ALDH7A1: variants seen among roughly 807,000 people sequenced by gnomAD.
ALDH7A1 encodes the protein alpha-aminoadipic semialdehyde dehydrogenase.
Under a neutral mutation model 79.9 loss-of-function variants are expected in ALDH7A1, and 63 were observed. That is an observed-to-expected ratio of 0.79 (90% CI 0.64 to 0.97). The LOEUF (loss-of-function observed/expected upper bound fraction) is 0.97. ALDH7A1 is among the 50% of genes least tolerant of loss of function. ALDH7A1 has a pLI of 0.00. For synonymous variants in ALDH7A1, 240 were observed against 231.2 expected, an observed-to-expected ratio of 1.04 and a Z score of -0.34; for missense variants, 627 against 665.2, an observed-to-expected ratio of 0.94 and a Z score of 0.63.
chr5:126,587,714 T>C (rs1449917474), intron 3 of ALDH7A1: 1 of 151,334 alleles, frequency 6.6e-6, no homozygotes, highest in Admixed American at 6.6e-5. Flanking sequence ...ACAGTCAAGG[T>C]CAGCCAAATG....
At chr5:126,584,736 G>A (rs1449605913) in intron 3 of ALDH7A1, among the ~76,000 whole-genome samples, 1 of 144,890 alleles carries the variant, frequency 6.9e-6, no homozygotes, top group Non-Finnish European at 1.5e-5. Flanking sequence ...TTTGGGAGTA[G>A]AATTGACAGG....
intron 3 of ALDH7A1, among the ~76,000 whole-genome samples, chr5:126,591,759 A>C (rs1162474528): frequency 6.6e-6 from 1 of 151,944 alleles, no homozygotes; most frequent in African/African-American, 2.4e-5. Flanking sequence ...GCTCCCACCT[A>C]GTGACAAGTC....
Position 126,543,003 on chromosome 5 carries a change from G to C in ALDH7A1, c.*1962C>G, listed in dbSNP as rs1377781547. 1 of 152,280 alleles carries C rather than the reference G, an allele frequency of 6.6e-6. No individual in the cohort carries two copies. The highest frequency in any genetic ancestry group is 1.5e-5 in the Non-Finnish European group (1 of 68,054). 9.4% of individuals were successfully genotyped at this position (152,280 alleles called of 1,614,324 possible). On this transcript the variant is annotated 3_prime_UTR_variant, in exon 18 of 18. Coordinates refer to ENST00000409134, the MANE Select transcript of ALDH7A1 (RefSeq NM_001182.5). ...AACACAATTCCCCGCATCCACAATGGAGGCTGGGCATTGCCAGCAGTAGCG... is the reference window on the plus strand; with the variant it reads ...AACACAATTCCCCGCATCCACAATGCAGGCTGGGCATTGCCAGCAGTAGCG...
In ALDH7A1 at chr5:126,559,350, A is replaced by G. The variant is rs1447416332; in HGVS notation, c.914-16T>C. ...TCTTCAAAGGCTTAGGAAAGCACAA[A>G]CACTTCCATCAGCGAACCAAAACAG... On this transcript the variant is annotated splice_polypyrimidine_tract_variant and intron_variant, in intron 10 of 17. Transcript: ENST00000409134. 1.2e-6 allele frequency: 2 copies of G among 1,605,602 alleles called. No individual in the cohort carries two copies. The highest frequency in any genetic ancestry group is 3.3e-5 in the Admixed American group (2 of 59,964).
Position 126,570,853 on chromosome 5 carries a change from T to G in ALDH7A1, c.702A>C (p.Ile234=). The G allele has an allele frequency of 1.2e-6, 2 of 1,613,900 alleles. No homozygotes were observed. The highest frequency in any genetic ancestry group is 1.7e-6 in the Non-Finnish European group (2 of 1,179,830). ...SLISVAVTKI[I]AKVLEDNKLP... ...GCTTGTTGTCCTCCAGAACCTTGGCTATTATCCTAGAAAGGAAAAAGCAAT... is the reference window on the plus strand; with the variant it reads ...GCTTGTTGTCCTCCAGAACCTTGGCGATTATCCTAGAAAGGAAAAAGCAAT... Residue 234 remains isoleucine, a synonymous_variant, in exon 8 of 18, where the codon ATA becomes ATC. Transcript: ENST00000409134.
chr5:126,583,075 T>A, intron 4 of ALDH7A1, 101 bp from the exon 5 acceptor site: 1 of 1,393,532 alleles, frequency 7.2e-7, no homozygotes, highest in Non-Finnish European at 1.0e-6. Context: ...GTAAATGTAA[T>A]AAACTGAAGA....
chr5:126,577,660 G>A (rs1265712587), intron 5 of ALDH7A1, among the ~76,000 whole-genome samples: 2 of 152,028 alleles, frequency 1.3e-5, no homozygotes, highest in Non-Finnish European at 2.9e-5. Flanking sequence ...TGCACCTCCC[G>A]AGTTCAAGCA....
At chr5:126,565,284 T>C (rs1484420158) in intron 9 of ALDH7A1, among the ~76,000 whole-genome samples, 2 of 151,066 alleles carry the variant, frequency 1.3e-5, no homozygotes, top group East Asian at 3.9e-4. Context: ...TCCCAGCTAC[T>C]TGGGAGGCTG....
rs897504760 is a variant in ALDH7A1, at chr5:126,554,281, C to T, written c.1200+6G>A. On this transcript the variant is annotated splice_donor_region_variant and intron_variant, in intron 13 of 17. Transcript: ENST00000409134. ...CTGTCACAATTGATCTCAGAGCATC[C>T]CTTACCTTGCCCCCATAGACCACTG... The T allele has an allele frequency of 6.2e-7, 1 of 1,612,414 alleles. No individual in the cohort carries two copies. The highest frequency in any genetic ancestry group is 8.5e-7 in the Non-Finnish European group (1 of 1,178,804).
chr5:126,566,491 C>T (rs1025634641), intron 9 of ALDH7A1, among the ~76,000 whole-genome samples: 1 of 152,074 alleles, frequency 6.6e-6, no homozygotes, highest in Non-Finnish European at 1.5e-5. Flanking sequence ...TTTTTAAAAG[C>T]AATGCCTACA....
intron 9 of ALDH7A1, among the ~76,000 whole-genome samples, chr5:126,566,440 C>T (rs1750587328): frequency 6.6e-6 from 1 of 152,140 alleles, no homozygotes. Context: ...AGTCCTGCAA[C>T]CTTGCTGACC....
chr5:126,554,487 T>C (rs1750111900), intron 12 of ALDH7A1, 94 bp from the exon 13 acceptor site: 4 of 916,544 alleles, frequency 4.4e-6, no homozygotes, highest in African/African-American at 1.6e-5. Context: ...GACCAATCCC[T>C]TCCTATATGC....
chr5:126,554,448 T>C, intron 12 of ALDH7A1, 55 bp from the exon 13 acceptor site: 1 of 1,414,816 alleles, frequency 7.1e-7, no homozygotes, highest in Non-Finnish European at 1.0e-6. Flanking sequence ...GGCATCGTTT[T>C]ATTATTAGAA....
In ALDH7A1 at chr5:126,595,020, C is replaced by G. The variant is rs1751694918; in HGVS notation, c.179G>C (p.Gly60Ala). ...ENEGVYNGSW[G>A]GRGEVITTYC... ...GCGCCCGCGTACCTCTCCCCGGCCT[C>G]CCCAGCTTCCATTATACACGCCCTC... The change falls in exon 1 of 18, where the codon GGA (glycine) becomes GCA (alanine). Residue 60 changes from glycine to alanine, a missense_variant. Physicochemically the swap from Gly to Ala is moderately conservative, Grantham distance 60. Coordinates refer to ENST00000409134, the MANE Select transcript of ALDH7A1 (RefSeq NM_001182.5). 6.2e-7 allele frequency: 1 copy of G among 1,604,944 alleles called. No individual in the cohort carries two copies.
Position 126,554,372 on chromosome 5 carries a change from A to G in ALDH7A1, c.1115T>C (p.Leu372Pro). ...PWDPNVLYGP[L>P]HTKQAVSMFL... ...CATGCTCACTGCCTGCTTGGTGTGG[A>G]GTGGCCCATAGAGAACATTAGCTGG... The change falls in exon 13 of 18, where the codon CTC becomes CCC. Residue 372 changes from leucine (L) to proline (P), a missense_variant. Physicochemically the swap from Leu to Pro is moderately conservative, Grantham distance 98 (BLOSUM62 -3). Coordinates refer to ENST00000409134, the MANE Select transcript of ALDH7A1 (RefSeq NM_001182.5). The G allele has an allele frequency of 6.2e-7, 1 of 1,614,066 alleles. No homozygotes were observed. Among genetic ancestry groups the G allele is most frequent in the Non-Finnish European group, 8.5e-7 (1 of 1,180,012 alleles).
At chr5:126,566,410 A>AT (rs1198463652) in intron 9 of ALDH7A1, among the ~76,000 whole-genome samples, 3 of 152,128 alleles carry the variant, frequency 2.0e-5, no homozygotes, top group African/African-American at 7.2e-5. Flanking sequence ...AATATAATTG[A>AT]TTTTTGTATC....
intron 3 of ALDH7A1, chr5:126,588,396 T>C (rs1228830012): frequency 6.6e-6 from 1 of 151,898 alleles, no homozygotes; most frequent in East Asian, 1.9e-4. Flanking sequence ...GGAGAATCAC[T>C]TGAGTCTAGG....
intron 3 of ALDH7A1, chr5:126,592,415 C>A (rs1751582359): frequency 1.8e-6 from 1 of 541,686 alleles, no homozygotes; most frequent in Non-Finnish European, 3.3e-6. Context: ...TTATACTATA[C>A]CAGCACAAAG....
chr5:126,562,504 C>G (rs938007507), intron 9 of ALDH7A1: 1 of 152,104 alleles, frequency 6.6e-6, no homozygotes, highest in Non-Finnish European at 1.5e-5. Flanking sequence ...AGCCACCACA[C>G]CTGGCTTATT....
Sources: gnomAD v4.1 joint callset for allele counts (sites outside exome capture counted in the v4.1 genomes callset) on GRCh38, gnomAD v4.1.1 for gene constraint, MANE v1.5 for transcripts, NCBI Gene and HGNC (gene_info 2026-07-23, HGNC 2026-07-21) for gene names.